DNAH11: variants seen among roughly 807,000 people sequenced by gnomAD.
DNAH11 encodes dynein axonemal heavy chain 11.
DNAH11 carries 442 observed loss-of-function variants against 526.0 expected under a neutral mutation model. That is an observed-to-expected ratio of 0.84 (90% CI 0.78 to 0.91). DNAH11 has a LOEUF of 0.91. DNAH11 is among the 40% of genes least tolerant of loss of function. The pLI, the probability that DNAH11 is intolerant of heterozygous loss-of-function variation, is 0.00. For missense variants in DNAH11, 6,989 were observed against 5,448.7 expected, an observed-to-expected ratio of 1.28 and a Z score of -8.90; for synonymous variants, 2,461 against 1,935.9, an observed-to-expected ratio of 1.27 and a Z score of -7.12.
At chr7:21,786,095 A>G (rs1788165329) in intron 58 of DNAH11, among the ~76,000 whole-genome samples, 1 of 152,198 alleles carries the variant, frequency 6.6e-6, no homozygotes, top group South Asian at 2.1e-4. Context: ...AAAGGAGTAG[A>G]GAAGAAAGTT....
At chr7:21,886,592 T>C (rs939532518) in intron 76 of DNAH11, among the ~76,000 whole-genome samples, 2 of 152,180 alleles carry the variant, frequency 1.3e-5, no homozygotes, top group Non-Finnish European at 2.9e-5. Flanking sequence ...AGCTAAACAG[T>C]GCCAGGCATG....
Position 21,743,771 on chromosome 7 carries a change from C to T in DNAH11, c.8155-667C>T, listed in dbSNP as rs138541707. On this transcript the variant is annotated intron_variant, in intron 49 of 81. Transcript: ENST00000409508. ...TAGGTGAAATGGGACGAGAGGACTGCCTGCTCACCCTTCATATCCTGCCTG... is the reference window on the plus strand; with the variant it reads ...TAGGTGAAATGGGACGAGAGGACTGTCTGCTCACCCTTCATATCCTGCCTG... Among the ~76,000 whole-genome samples, 1,280 of 152,282 alleles carry T rather than the reference C, an allele frequency of 8.4e-3. 11 individuals are homozygous for T. Among genetic ancestry groups the T allele is most frequent in the Middle Eastern group, 0.027 (8 of 294 alleles).
Position 21,545,106 on chromosome 7 carries a change from T to TA in DNAH11, c.453dup (p.Pro152ThrfsTer13), listed in dbSNP as rs1490557752. The stretch of plus-strand genomic sequence containing the variant: ...TCTCAAGTGGTTTTATTTGGAGAGT[T>TA]ACCTGCGTTGTCTCTTGGACATGTA... On this transcript the variant is annotated frameshift_variant, in exon 2 of 82. Transcript: ENST00000409508. LOFTEE classifies it high-confidence loss of function. 1 of 1,610,954 alleles carries TA rather than the reference T, an allele frequency of 6.2e-7. No individual in the cohort carries two copies. The highest frequency in any genetic ancestry group is 8.5e-7 in the Non-Finnish European group (1 of 1,178,380).
At chr7:21,855,029 ATT>A (rs61635369) in intron 68 of DNAH11, among the ~76,000 whole-genome samples, 48,607 of 114,162 alleles carry the variant, frequency 0.43, 9,654 homozygotes, top group Non-Finnish European at 0.55. Flanking sequence ...CAGTCTCTTA[ATT>A]TTTTTTTTTT....
intron 22 of DNAH11, 94 bp from the exon 23 acceptor site, chr7:21,617,525 C>A: frequency 7.1e-7 from 1 of 1,402,212 alleles, no homozygotes. Flanking sequence ...TTTTCTAATC[C>A]AGGAGTTGGG....
chr7:21,594,479 C>G (rs1350151117), intron 14 of DNAH11, among the ~76,000 whole-genome samples: 2 of 152,090 alleles, frequency 1.3e-5, no homozygotes, highest in Non-Finnish European at 2.9e-5. Flanking sequence ...GTAAGTCGTG[C>G]TGTGTTAGAA....
Position 21,549,478 on chromosome 7 carries a change from G to A in DNAH11, c.495+4329G>A, listed in dbSNP as rs182526293. ...AAGCGTTTATTATGGTTTGGGGTTG[G>A]AGTAGTCCCAGGCAAATGGGGGGGT... On this transcript the variant is annotated intron_variant, in intron 2 of 81. Transcript: ENST00000409508. 2.0e-3 allele frequency among the ~76,000 whole-genome samples: 306 copies of A among 152,270 alleles called. 2 individuals are homozygous for A. The highest frequency in any genetic ancestry group is 7.0e-3 in the African/African-American group (290 of 41,550).
intron 65 of DNAH11, among the ~76,000 whole-genome samples, chr7:21,829,729 C>T (rs907492442): frequency 1.3e-5 from 2 of 152,104 alleles, no homozygotes; most frequent in African/African-American, 2.4e-5. Context: ...GTAAAAGGGG[C>T]ATCATTCGTT....
At chr7:21,741,388 A>T (rs1264115518) in intron 48 of DNAH11, among the ~76,000 whole-genome samples, 1 of 152,234 alleles carries the variant, frequency 6.6e-6, no homozygotes, top group East Asian at 1.9e-4. Flanking sequence ...TTTGACAATT[A>T]TGAAAGAAGC....
intron 54 of DNAH11, among the ~76,000 whole-genome samples, chr7:21,760,994 A>G (rs1786873599): frequency 6.6e-6 from 1 of 152,242 alleles, no homozygotes; most frequent in African/African-American, 2.4e-5. Flanking sequence ...CTTTCATTAA[A>G]TTATGGGAAA....
intron 65 of DNAH11, among the ~76,000 whole-genome samples, chr7:21,834,794 A>ATGATCAC (rs1458391715): frequency 4.6e-5 from 7 of 152,180 alleles, no homozygotes; most frequent in African/African-American, 1.7e-4. Context: ...GCAGTGAGCT[A>ATGATCAC]TGATCACACC....
chr7:21,774,121 C>T (rs1787558513), intron 56 of DNAH11, 122 bp downstream of exon 56: 1 of 908,494 alleles, frequency 1.1e-6, no homozygotes, highest in Non-Finnish European at 1.6e-6. Context: ...TTTACAGTTT[C>T]ATGACACCAA....
chr7:21,702,675 C>A (rs760908260), intron 36 of DNAH11, 35 bp from the exon 37 acceptor site: 4 of 1,582,088 alleles, frequency 2.5e-6, no homozygotes, highest in East Asian at 4.5e-5. Context: ...TTCCCTCATA[C>A]AATTTTTGAG....
At chr7:21,871,197 C>T (rs1039156235) in intron 73 of DNAH11, among the ~76,000 whole-genome samples, 1 of 152,042 alleles carries the variant, frequency 6.6e-6, no homozygotes, top group Admixed American at 6.5e-5. Flanking sequence ...AGTAGCAGGC[C>T]GGCAACTATC....
In DNAH11 at chr7:21,898,388, C is replaced by G. The variant is rs75339041; in HGVS notation, c.13050-948C>G. On this transcript the variant is annotated intron_variant, in intron 79 of 81. Transcript: ENST00000409508. The stretch of plus-strand genomic sequence containing the variant: ...TTCTGAGCCTTTTCTTCTTCACGGC[C>G]CAGAGTCAGGCAAGTATCTCAGGCA... 4.4e-3 allele frequency among the ~76,000 whole-genome samples: 672 copies of G among 152,240 alleles called. 8 individuals carry two copies. Among genetic ancestry groups the G allele is most frequent in the East Asian group, 0.037 (192 of 5,174 alleles).
rs1029845171 is a variant in DNAH11, at chr7:21,561,377, C to T, written c.982+207C>T. Reference sequence around the variant, plus strand: ...TAGTTTATCTGGTATATAGTAGTACCTGCCAAAATGGCTCCAGATTGAAAT... The same window carrying T: ...TAGTTTATCTGGTATATAGTAGTACTTGCCAAAATGGCTCCAGATTGAAAT... On this transcript the variant is annotated intron_variant, in intron 5 of 81. Coordinates refer to ENST00000409508, the MANE Select transcript of DNAH11 (RefSeq NM_001277115.2). 248 of 422,716 alleles carry T rather than the reference C, an allele frequency of 5.9e-4. 1 individual carries two copies. The highest frequency in any genetic ancestry group is 9.8e-4 in the Non-Finnish European group (238 of 242,260). 26.2% of individuals were successfully genotyped at this position (422,716 alleles called of 1,614,324 possible).
chr7:21,628,801 C>A (rs189300930), intron 25 of DNAH11, among the ~76,000 whole-genome samples: 16 of 152,132 alleles, frequency 1.1e-4, no homozygotes, highest in Admixed American at 2.6e-4. Flanking sequence ...ATGCTGGCTT[C>A]ATTTTCTTAG....
At chr7:21,703,239 C>T (rs1169505119) in intron 37 of DNAH11, among the ~76,000 whole-genome samples, 6 of 152,224 alleles carry the variant, frequency 3.9e-5, no homozygotes, top group Admixed American at 3.3e-4. Flanking sequence ...GTGCCTGACA[C>T]CAATGAAATG....
chr7:21,614,104 G>A (rs527427814), intron 20 of DNAH11, among the ~76,000 whole-genome samples: 14 of 152,192 alleles, frequency 9.2e-5, no homozygotes, highest in African/African-American at 3.4e-4. Context: ...CATGTTGTAC[G>A]TGATAAATAT....
Sources: gnomAD v4.1 joint callset for allele counts (sites outside exome capture counted in the v4.1 genomes callset) on GRCh38, gnomAD v4.1.1 for gene constraint, MANE v1.5 for transcripts, NCBI Gene and HGNC (gene_info 2026-07-23, HGNC 2026-07-21) for gene names.